The following CMSS1 variants were observed in gnomAD, a reference collection of about 807,000 sequenced individuals.
The protein encoded by CMSS1 is cms1 ribosomal small subunit homolog, also known as protein CMSS1.
In CMSS1, 33 loss-of-function variants were observed where a neutral mutation model predicts 43.5. The ratio of observed to expected loss-of-function variants is 0.76; its 90% CI spans 0.57 to 1.01. The LOEUF (loss-of-function observed/expected upper bound fraction) is 1.01. Among genes scored for constraint, CMSS1 ranks in the 50% least tolerant of loss-of-function variants. The probability of loss-of-function intolerance (pLI) is 0.00; values close to 1 mark genes in which losing one functional copy is unlikely to be tolerated. For missense variants in CMSS1, 313 were observed against 326.4 expected (o/e 0.96, Z 0.32); for synonymous variants, 115 against 117.2 (o/e 0.98, Z 0.12).
intron 1 of CMSS1, among the ~76,000 whole-genome samples, chr3:99,854,340 C>T (rs907287287): frequency 6.6e-6 from 1 of 152,148 alleles, no homozygotes; most frequent in Admixed American, 6.5e-5. Context: ...ATCATGAACT[C>T]TCGGTTTGCT....
At chr3:99,888,941 G>T (rs554059249) in intron 1 of CMSS1, among the ~76,000 whole-genome samples, 1 of 152,256 alleles carries the variant, frequency 6.6e-6, no homozygotes, top group South Asian at 2.1e-4. Context: ...TAGAGGAAGA[G>T]CATCTTTTTT....
At chr3:99,954,642 A>G (rs1260099419) in intron 1 of CMSS1, among the ~76,000 whole-genome samples, 2 of 152,124 alleles carry the variant, frequency 1.3e-5, no homozygotes, top group Non-Finnish European at 2.9e-5. Context: ...CCTGACCAAC[A>G]TGGTGAAACC....
At chr3:100,115,589 C>T (rs6804609) in intron 1 of CMSS1, among the ~76,000 whole-genome samples, 1 of 50,886 alleles carries the variant, frequency 2.0e-5, no homozygotes, top group African/African-American at 7.8e-5. Flanking sequence ...CTCTCTCTCT[C>T]TCTCTCTCTC....
chr3:99,919,705 T>G (rs1707063896), intron 1 of CMSS1, among the ~76,000 whole-genome samples: 1 of 152,114 alleles, frequency 6.6e-6, no homozygotes, highest in Non-Finnish European at 1.5e-5. Context: ...CCTTGTCTGA[T>G]GCAGTCTGGA....
intron 1 of CMSS1, among the ~76,000 whole-genome samples, chr3:100,088,989 A>C (rs2066059484): frequency 6.6e-6 from 1 of 152,206 alleles, no homozygotes; most frequent in Admixed American, 6.5e-5. Context: ...ATCATGGTTT[A>C]CACTCTCCAG....
At chr3:99,929,991 T>G (rs1383117168) in intron 1 of CMSS1, 3 of 1,613,786 alleles carry the variant, frequency 1.9e-6, no homozygotes, top group Non-Finnish European at 2.5e-6. Flanking sequence ...CCAGGTCCAT[T>G]TTTTCAGCCT....
At position 99,830,559 on chromosome 3, in the gene CMSS1, G is replaced by A. The variant is rs529135563; in HGVS notation, c.64+12516G>A. On this transcript the variant is annotated intron_variant, in intron 1 of 9. Transcript: ENST00000421999. ...AATCTTGGTGATGCCTGTAGATTTCGGTTTAGGGATCCGTGCTGGGATTCT... is the reference window on the plus strand; with the variant it reads ...AATCTTGGTGATGCCTGTAGATTTCAGTTTAGGGATCCGTGCTGGGATTCT... 2.0e-3 allele frequency: 914 copies of A among 456,642 alleles called. 12 individuals carry two copies. The highest frequency in any genetic ancestry group is 0.011 in the South Asian group (704 of 64,568). The allele number at this position is 456,642 out of a possible 1,614,324, so 28.3% of individuals were successfully genotyped here. A position where few individuals can be genotyped will look rare whatever the true frequency, so the allele number is the denominator to read the frequency against.
Position 100,180,700 on chromosome 3 carries a change from C to T in CMSS1, c.*2312C>T, listed in dbSNP as rs1219408964. 6.6e-6 allele frequency: 1 copy of T among 152,248 alleles called. No homozygotes were observed. Among genetic ancestry groups the T allele is most frequent in the East Asian group, 1.9e-4 (1 of 5,200 alleles). The allele number at this position is 152,248 out of a possible 1,614,324, so 9.4% of individuals were successfully genotyped here. On this transcript the variant is annotated 3_prime_UTR_variant, in exon 10 of 10. Transcript: ENST00000421999. Reference sequence around the variant, plus strand: ...AGTCTCTAGGAGGTTCCAAACATCCCTCATATTCCTGTCTTCTTCTGATCC... The same window carrying T: ...AGTCTCTAGGAGGTTCCAAACATCCTTCATATTCCTGTCTTCTTCTGATCC...
At chr3:100,033,087 A>G (rs943123627) in intron 1 of CMSS1, among the ~76,000 whole-genome samples, 2 of 152,102 alleles carry the variant, frequency 1.3e-5, no homozygotes, top group African/African-American at 4.8e-5. Flanking sequence ...ATTCAGGAAA[A>G]CTATCTTCAA....
intron 2 of CMSS1, among the ~76,000 whole-genome samples, chr3:100,156,151 G>C (rs1050112447): frequency 6.6e-6 from 1 of 151,794 alleles, no homozygotes; most frequent in Admixed American, 6.6e-5. Flanking sequence ...AGAGACAAGG[G>C]TCTCACTTTG....
At chr3:99,901,978 CAG>C (rs1005822135) in intron 1 of CMSS1, among the ~76,000 whole-genome samples, 10 of 152,070 alleles carry the variant, frequency 6.6e-5, no homozygotes, top group African/African-American at 1.9e-4. Context: ...AAACAAAACA[CAG>C]AGTGTTTTTT....
At position 100,166,482 on chromosome 3, in the gene CMSS1, T is replaced by A; in HGVS notation, c.415+88T>A. The A allele has an allele frequency of 6.0e-6, 5 of 826,788 alleles. No individual in the cohort carries two copies. The South Asian group carries it at 7.2e-5, about 12-fold the overall frequency. The allele number at this position is 826,788 out of a possible 1,614,324, so 51.2% of individuals were successfully genotyped here. On this transcript the variant is annotated intron_variant, in intron 5 of 9. Transcript: ENST00000421999. ...TTAGGTTTTGGTCTCGTTTTTGTTT[T>A]ATAACACATTAGGCCATTATTGCTC...
chr3:100,043,204 A>G (rs980205036), intron 1 of CMSS1, among the ~76,000 whole-genome samples: 1 of 152,232 alleles, frequency 6.6e-6, no homozygotes, highest in Non-Finnish European at 1.5e-5. Context: ...CCAGTATTTC[A>G]TTCTTTACTG....
rs768236132 is a variant in CMSS1, at chr3:99,848,984, G to A, written c.64+30941G>A. 6.7e-5 allele frequency: 108 copies of A among 1,613,994 alleles called. No individual in the cohort carries two copies. Among genetic ancestry groups the A allele is most frequent in the African/African-American group, 6.7e-5 (5 of 74,906 alleles). ...ACCTTTATATGAAGTGGCTGCCCAG[G>A]TGTGTGGCTTAGGACTAGATCTCCA... On this transcript the variant is annotated intron_variant, in intron 1 of 9. Transcript: ENST00000421999.
chr3:100,020,308 A>T (rs925661150), intron 1 of CMSS1, among the ~76,000 whole-genome samples: 4 of 152,144 alleles, frequency 2.6e-5, no homozygotes, highest in African/African-American at 9.7e-5. Flanking sequence ...CGCATTTAGG[A>T]CTTGGTGCCA....
chr3:100,054,468 G>A (rs1352304138), intron 1 of CMSS1, among the ~76,000 whole-genome samples: 2 of 148,536 alleles, frequency 1.3e-5, no homozygotes, highest in African/African-American at 5.0e-5. Context: ...GACCTGCTTC[G>A]TTCATTATAT....
chr3:99,983,393 T>TAA (rs1401992303), intron 1 of CMSS1, among the ~76,000 whole-genome samples: 33 of 87,058 alleles, frequency 3.8e-4, no homozygotes, highest in African/African-American at 1.7e-3. Flanking sequence ...TAAATAAATA[T>TAA]ATATATATAT....
chr3:100,006,025 G>C (rs903405043), intron 1 of CMSS1, among the ~76,000 whole-genome samples: 22 of 152,172 alleles, frequency 1.4e-4, no homozygotes, highest in African/African-American at 5.3e-4. Context: ...TTGATAGGAA[G>C]TGGGATAGAA....
At chr3:99,834,854 C>A (rs1429396208) in intron 1 of CMSS1, among the ~76,000 whole-genome samples, 1 of 152,138 alleles carries the variant, frequency 6.6e-6, no homozygotes, top group Non-Finnish European at 1.5e-5. Context: ...AAACACTTTA[C>A]CCATGTAAAC....
Sources: gnomAD v4.1 joint callset for allele counts (sites outside exome capture counted in the v4.1 genomes callset) on GRCh38, gnomAD v4.1.1 for gene constraint, MANE v1.5 for transcripts, NCBI Gene and HGNC (gene_info 2026-07-23, HGNC 2026-07-21) for gene names.